Variants in PLEKHA5 observed in about 807,000 individuals in gnomAD.
PLEKHA5 encodes pleckstrin homology domain-containing family A member 5.
PLEKHA5 carries 55 observed loss-of-function variants against 181.9 expected under a neutral mutation model. The ratio of observed to expected loss-of-function variants is 0.30; its 90% CI spans 0.24 to 0.38. The LOEUF (loss-of-function observed/expected upper bound fraction) is 0.38, where lower values mean the gene tolerates loss of function less well. Among genes scored for constraint, PLEKHA5 ranks in the 10% least tolerant of loss-of-function variants. The pLI is 1.00. For missense variants in PLEKHA5, 1,432 were observed against 1,549.5 expected (o/e 0.92, Z 1.27); for synonymous variants, 535 against 529.4 (o/e 1.01, Z -0.15).
At chr12:19,313,956 G>A (rs773210762) in intron 15 of PLEKHA5, among the ~76,000 whole-genome samples, 36 of 152,058 alleles carry the variant, frequency 2.4e-4, no homozygotes, top group South Asian at 2.1e-4. Flanking sequence ...CGATAGAAAT[G>A]CTTATTTTCT....
At chr12:19,260,106 G>C (rs558559376) in intron 6 of PLEKHA5, among the ~76,000 whole-genome samples, 2 of 151,978 alleles carry the variant, frequency 1.3e-5, no homozygotes, top group African/African-American at 4.8e-5. Flanking sequence ...AGAAATAGCT[G>C]CCAAAAAGTC....
chr12:19,130,078 G>C lies in PLEKHA5; in HGVS notation c.117G>C (p.Leu39=). The change falls in exon 2 of 32, where the codon CTG becomes CTC. Residue 39 remains leucine (L), a synonymous_variant. Transcript: ENST00000429027. The surrounding 1 kb of genome is among the most constrained non-coding windows in gnomAD (Gnocchi z 4.5). ...INEEAKSTTW[L]HPVTGEAVVT... is the part of the protein sequence containing the mutation. ...AGGAGGCCAAGAGCACCACCTGGCT[G>C]CACCCCGTCACCGGCGAGGCGGTGG... is the stretch of plus-strand genomic sequence containing the variant. 1 of 1,590,868 alleles carries C rather than the reference G, an allele frequency of 6.3e-7. No individual in the cohort carries two copies. Among genetic ancestry groups the C allele is most frequent in the South Asian group, 1.1e-5 (1 of 87,324 alleles).
intron 3 of PLEKHA5, chr12:19,154,371 GTTCTTTC>G (rs2041185867): frequency 6.6e-6 from 1 of 151,620 alleles, no homozygotes; most frequent in Non-Finnish European, 1.5e-5. Context: ...ACCTTATTTT[GTTCTTTC>G]TTCTCTTCCT....
At chr12:19,151,911 G>T (rs923805214) in intron 3 of PLEKHA5, 1 of 148,280 alleles carries the variant, frequency 6.7e-6, no homozygotes, top group Admixed American at 6.7e-5. Context: ...CTGTCACCCA[G>T]GCTGGAGTGT....
chr12:19,329,420 C>G (rs1565624062), intron 20 of PLEKHA5, among the ~76,000 whole-genome samples: 1 of 152,126 alleles, frequency 6.6e-6, no homozygotes, highest in East Asian at 1.9e-4. Context: ...AATACCAGCT[C>G]TTTGTATGTC....
chr12:19,152,561 C>T (rs1329313572), intron 3 of PLEKHA5: 2 of 152,172 alleles, frequency 1.3e-5, no homozygotes, highest in African/African-American at 4.8e-5. Flanking sequence ...ATGCAGGTAG[C>T]AGTAGTACGA....
intron 3 of PLEKHA5, among the ~76,000 whole-genome samples, chr12:19,238,010 CGCATAATTGTTTTCTT>C (rs1406124608): frequency 6.6e-6 from 1 of 151,856 alleles, no homozygotes. Flanking sequence ...TGCTATTTCT[CGCATAATTGTTTTCTT>C]GCATTTTCAG....
chr12:19,348,484 A>T lies in PLEKHA5; in HGVS notation c.2984A>T (p.Glu995Val). The T allele has an allele frequency of 6.3e-7, 1 of 1,583,020 alleles. No homozygotes were observed. The highest frequency in any genetic ancestry group is 1.4e-5 in the African/African-American group (1 of 72,962). ...VDESNGEEKS[E>V]PVSEIETSVV... ...GAATCTAATGGAGAAGAAAAATCAGAACCTGTTTCAGAGATAGAAACTTCA... is the reference window on the plus strand; with the variant it reads ...GAATCTAATGGAGAAGAAAAATCAGTACCTGTTTCAGAGATAGAAACTTCA... The change falls in exon 25 of 32, where the codon GAA (glutamate) becomes GTA (valine). Residue 995 changes from glutamate to valine, a missense_variant. Physicochemically the swap from Glu to Val is moderately radical, Grantham distance 121 (BLOSUM62 -2). Around this residue, in one of 2 missense-constraint regions of PLEKHA5, gnomAD observed 1,143 missense variants for 1,168.4 expected, o/e 0.98. Transcript: ENST00000429027.
intron 15 of PLEKHA5, among the ~76,000 whole-genome samples, chr12:19,300,694 G>T (rs542022895): frequency 2.6e-4 from 39 of 152,078 alleles, no homozygotes; most frequent in Non-Finnish European, 3.7e-4. Context: ...TGACCTAAAG[G>T]TGTCATTATG....
intron 3 of PLEKHA5, among the ~76,000 whole-genome samples, chr12:19,168,445 TG>T (rs2151616531): frequency 6.6e-6 from 1 of 152,164 alleles, no homozygotes; most frequent in South Asian, 2.1e-4. Flanking sequence ...GGCCAATACA[TG>T]GGTGGAAACC....
chr12:19,353,830 A>G, intron 25 of PLEKHA5, 54 bp from the exon 26 acceptor site: 1 of 805,944 alleles, frequency 1.2e-6, no homozygotes, highest in Non-Finnish European at 2.2e-6. Context: ...GCTAAAAGAA[A>G]GCAATGCTGT....
intron 3 of PLEKHA5, 63 bp downstream of exon 3, chr12:19,132,513 G>A: frequency 1.2e-6 from 1 of 813,646 alleles, no homozygotes; most frequent in South Asian, 1.4e-5. Context: ...CTCCTCAGCT[G>A]AATAGTTGTA....
intron 3 of PLEKHA5, among the ~76,000 whole-genome samples, chr12:19,197,371 T>A (rs2152030234): frequency 6.6e-6 from 1 of 152,220 alleles, no homozygotes; most frequent in African/African-American, 2.4e-5. Context: ...TGCCTCAGGG[T>A]CTTAACACTG....
At chr12:19,215,046 G>A (rs945653341) in intron 3 of PLEKHA5, among the ~76,000 whole-genome samples, 10 of 151,912 alleles carry the variant, frequency 6.6e-5, no homozygotes, top group African/African-American at 1.9e-4. Context: ...GTGTGGTGGC[G>A]CATGCCTGTA....
intron 3 of PLEKHA5, among the ~76,000 whole-genome samples, chr12:19,245,750 A>AAC (rs2063584086): frequency 7.6e-6 from 1 of 131,392 alleles, no homozygotes; most frequent in East Asian, 2.1e-4. Context: ...AAAAAAAAAA[A>AAC]CCTTCCTTTT....
intron 22 of PLEKHA5, among the ~76,000 whole-genome samples, chr12:19,345,545 C>G (rs1592576381): frequency 1.3e-5 from 2 of 152,110 alleles, no homozygotes; most frequent in Admixed American, 6.5e-5. Flanking sequence ...AGGTGGATCA[C>G]TTGAGGTTAG....
chr12:19,263,614 T>C (rs557370649), intron 7 of PLEKHA5, among the ~76,000 whole-genome samples: 16 of 152,314 alleles, frequency 1.1e-4, no homozygotes, highest in Non-Finnish European at 1.3e-4. Flanking sequence ...GCTAAAGATA[T>C]TCCCAAATAT....
chr12:19,277,723 AT>A (rs1418430544), intron 11 of PLEKHA5, among the ~76,000 whole-genome samples: 8 of 152,244 alleles, frequency 5.3e-5, no homozygotes, highest in Admixed American at 1.3e-4. Flanking sequence ...AATTCAATAT[AT>A]AAATCATTTT....
intron 3 of PLEKHA5, among the ~76,000 whole-genome samples, chr12:19,195,246 T>C (rs1486900195): frequency 6.6e-6 from 1 of 152,198 alleles, no homozygotes; most frequent in Non-Finnish European, 1.5e-5. Context: ...TCCTGGCTCC[T>C]GTTATTTCCC....
Sources: allele counts gnomAD v4.1 joint callset (sites outside exome capture counted in the v4.1 genomes callset), GRCh38; gene constraint gnomAD v4.1.1; regional missense constraint gnomAD v4.1.1; non-coding constraint Gnocchi (gnomAD v3.1); transcripts MANE v1.5; gene names NCBI Gene and HGNC (gene_info 2026-07-23, HGNC 2026-07-21).